Variants in BCAM observed in about 807,000 individuals in gnomAD.
The protein encoded by BCAM is basal cell adhesion molecule (Lutheran blood group), also known as basal cell adhesion molecule.
Under a neutral mutation model 72.4 loss-of-function variants are expected in BCAM, and 61 were observed. The ratio of observed to expected loss-of-function variants is 0.84; its 90% CI spans 0.69 to 1.04. The LOEUF is 1.04. BCAM is among the 50% of genes least tolerant of loss of function. BCAM has a pLI of 0.00. For synonymous variants in BCAM, 408 were observed against 384.2 expected, an observed-to-expected ratio of 1.06 and a Z score of -0.73; for missense variants, 909 against 895.0, an observed-to-expected ratio of 1.02 and a Z score of -0.20.
At position 44,812,621 on chromosome 19, in the gene BCAM, A is replaced by C; in HGVS notation, c.504+73A>C. The C allele has an allele frequency of 1.9e-6, 3 of 1,564,738 alleles. No individual in the cohort carries two copies. The highest frequency in any genetic ancestry group is 2.6e-6 in the Non-Finnish European group (3 of 1,150,130). Reference sequence around the variant, plus strand: ...ACAGGGCCCTGGACTCCTGGGTCTGAGGGAGGAGGGGCTGGGGACCCCTGG... The same window carrying C: ...ACAGGGCCCTGGACTCCTGGGTCTGCGGGAGGAGGGGCTGGGGACCCCTGG... On this transcript the variant is annotated intron_variant, in intron 4 of 14. Transcript: ENST00000270233. The surrounding 1 kb of genome is among the most constrained non-coding windows in gnomAD (Gnocchi z 5.3).
intron 11 of BCAM, 48 bp downstream of exon 11, chr19:44,819,240 T>A: frequency 5.6e-6 from 9 of 1,611,820 alleles, no homozygotes; most frequent in Non-Finnish European, 7.6e-6. Flanking sequence ...CTCATCCAAG[T>A]ATCACACCCT....
chr19:44,813,434 C>G lies in BCAM; in HGVS notation c.602-4C>G, dbSNP rs1968456001. ...TGACTGCCACCTCCCCCGATCTCTCCCAGAGGGCTACATGACCAGCCGCAC... is the reference window on the plus strand; with the variant it reads ...TGACTGCCACCTCCCCCGATCTCTCGCAGAGGGCTACATGACCAGCCGCAC... On this transcript the variant is annotated splice_region_variant and splice_polypyrimidine_tract_variant and intron_variant, in intron 5 of 14. Coordinates refer to ENST00000270233, the MANE Select transcript of BCAM (RefSeq NM_005581.5). This position sits in a 1 kb window ranked among gnomAD's most constrained non-coding sequence, Gnocchi z 4.2. 26 of 1,610,468 alleles carry G rather than the reference C, an allele frequency of 1.6e-5. No homozygotes were observed. Among genetic ancestry groups the G allele is most frequent in the Non-Finnish European group, 2.1e-5 (25 of 1,179,062 alleles).
Position 44,819,160 on chromosome 19 carries a change from C to A in BCAM, c.1441C>A (p.Pro481Thr). ...LICSARGHPDPKLSWSQLGGS... is the reference protein window; with the variant it reads ...LICSARGHPDTKLSWSQLGGS... ...CTGCTCTGCCCGCGGCCATCCAGAC[C>A]CCAAACTCAGCTGGAGCCAATTGGG... Residue 481 changes from proline (P) to threonine (T), a missense_variant, in exon 11 of 15, where the codon CCC (proline) becomes ACC (threonine). Pro to Thr is a conservative substitution (Grantham distance 38). Transcript: ENST00000270233. 1 of 1,614,090 alleles carries A rather than the reference C, an allele frequency of 6.2e-7. No homozygotes were observed.
At chr19:44,811,441 C>T (rs1041017239) in intron 2 of BCAM, 95 bp downstream of exon 2, 2 of 1,567,066 alleles carry the variant, frequency 1.3e-6, no homozygotes, top group Admixed American at 3.4e-5. Context: ...AGAGATCCAC[C>T]AAGCCACACT....
rs1555783075 is a variant in BCAM, at chr19:44,814,917, T to TTG, written c.1078+158_1078+159insGT. On this transcript the variant is annotated intron_variant, in intron 8 of 14. Transcript: ENST00000270233. This position sits in a 1 kb window ranked among gnomAD's most constrained non-coding sequence, Gnocchi z 4.6. ...GGGGGTTTTTTTGGTTGTTTTTTTTTTTTTTTTTTTCCCAGAGACAGGACC... is the reference window on the plus strand; with the variant it reads ...GGGGGTTTTTTTGGTTGTTTTTTTTTTGTTTTTTTTTTCCCAGAGACAGGACC... Among the ~76,000 whole-genome samples the TTG allele has an allele frequency of 2.0e-5, 3 of 149,768 alleles. No homozygotes were observed. Among genetic ancestry groups the TTG allele is most frequent in the African/African-American group, 4.9e-5 (2 of 40,672 alleles).
At chr19:44,817,332 G>A (rs1289500664) in intron 8 of BCAM, among the ~76,000 whole-genome samples, 1 of 152,210 alleles carries the variant, frequency 6.6e-6, no homozygotes, top group Non-Finnish European at 1.5e-5. Flanking sequence ...GCCCCAACTT[G>A]GTCTACTCAA....
Position 44,814,089 on chromosome 19 carries a change from G to T in BCAM, c.785-63G>T. ...ACCTGGGATGCAGGGCTGACCTCTC[G>T]CCTGTCCTCTAGCCTTGACCCTTCC... On this transcript the variant is annotated intron_variant, in intron 6 of 14. Coordinates refer to ENST00000270233, the MANE Select transcript of BCAM (RefSeq NM_005581.5). This position sits in a 1 kb window ranked among gnomAD's most constrained non-coding sequence, Gnocchi z 4.6. 6.6e-7 allele frequency: 1 copy of T among 1,511,934 alleles called. No individual in the cohort carries two copies. Among genetic ancestry groups the T allele is most frequent in the Middle Eastern group, 1.8e-4 (1 of 5,542 alleles). 93.7% of individuals were successfully genotyped at this position (1,511,934 alleles called of 1,614,324 possible). A position where few individuals can be genotyped will look rare whatever the true frequency, so the allele number is the denominator to read the frequency against.
At chr19:44,819,791 C>T in intron 13 of BCAM, 65 bp downstream of exon 13, 5 of 1,494,132 alleles carry the variant, frequency 3.3e-6, no homozygotes, top group East Asian at 2.4e-5. Context: ...CAACCCCAAG[C>T]TCAACCCATA....
chr19:44,817,795 C>T (rs573704273), intron 8 of BCAM, among the ~76,000 whole-genome samples: 1 of 152,284 alleles, frequency 6.6e-6, no homozygotes, highest in African/African-American at 2.4e-5. Flanking sequence ...GCACCCGCCT[C>T]GGCCTCCCAA....
rs367879811 is a variant in BCAM at position 44,819,361 on chromosome 19, C to T, written c.1489C>T (p.Pro497Ser). 4 of 1,613,944 alleles carry T rather than the reference C, an allele frequency of 2.5e-6. No homozygotes were observed. The highest frequency in any genetic ancestry group is 2.7e-5 in the African/African-American group (2 of 74,908). Residue 497 changes from proline to serine, a missense_variant, in exon 12 of 15, where the codon CCC becomes TCC. Coordinates refer to ENST00000270233, the MANE Select transcript of BCAM (RefSeq NM_005581.5). Reference sequence around the variant, plus strand: ...GCCTCCATAGCCCGCAGAGCCAATCCCCGGACGGCAGGGTTGGGTGAGCAG... The same window carrying T: ...GCCTCCATAGCCCGCAGAGCCAATCTCCGGACGGCAGGGTTGGGTGAGCAG... Reference protein sequence around the residue: ...QLGGSPAEPIPGRQGWVSSSL... With the variant: ...QLGGSPAEPISGRQGWVSSSL...
chr19:44,819,080 A>G lies in BCAM; in HGVS notation c.1361A>G (p.Glu454Gly). ...GGCTCGCCAGAGCTAAAGACAGCGG[A>G]AATAGAGCCCAAGGCAGATGGCAGC... ...VQGSPELKTAEIEPKADGSWR... is the reference protein window; with the variant it reads ...VQGSPELKTAGIEPKADGSWR... The change falls in exon 11 of 15, where the codon GAA becomes GGA. Residue 454 changes from glutamate to glycine, a missense_variant. Coordinates refer to ENST00000270233, the MANE Select transcript of BCAM (RefSeq NM_005581.5). 6.2e-7 allele frequency: 1 copy of G among 1,614,024 alleles called. No homozygotes were observed. Among genetic ancestry groups the G allele is most frequent in the Non-Finnish European group, 8.5e-7 (1 of 1,179,974 alleles).
Position 44,812,571 on chromosome 19 carries a change from C to T in BCAM, c.504+23C>T, listed in dbSNP as rs1968440323. The T allele has an allele frequency of 6.2e-7, 1 of 1,613,052 alleles. No homozygotes were observed. The highest frequency in any genetic ancestry group is 1.7e-5 in the Admixed American group (1 of 59,852). ...GAGGTACCTCTCGGGTGGACCTTGG[C>T]CCCAGGGTCCTGGAGGAGGAGGGGA... On this transcript the variant is annotated intron_variant, in intron 4 of 14. Coordinates refer to ENST00000270233, the MANE Select transcript of BCAM (RefSeq NM_005581.5). This position sits in a 1 kb window ranked among gnomAD's most constrained non-coding sequence, Gnocchi z 5.3.
At position 44,819,174 on chromosome 19, in the gene BCAM, G is replaced by A. The variant is rs759169423; in HGVS notation, c.1455G>A (p.Trp485Ter). The change falls in exon 11 of 15, where the codon TGG becomes TGA. Residue 485 changes from tryptophan (W) to a stop codon, truncating the protein, a stop_gained. Transcript: ENST00000270233. LOFTEE classifies it high-confidence loss of function. ...ARGHPDPKLSWSQLGGSPAEP... is the reference protein window; with the variant it reads ...ARGHPDPKLS ...GCCATCCAGACCCCAAACTCAGCTG[G>A]AGCCAATTGGGGGGCAGCGTAAGGG... 7 of 1,614,002 alleles carry A rather than the reference G, an allele frequency of 4.3e-6. No homozygotes were observed. The highest frequency in any genetic ancestry group is 5.9e-6 in the Non-Finnish European group (7 of 1,179,954).
At position 44,813,101 on chromosome 19, in the gene BCAM, G is replaced by T; in HGVS notation, c.505-149G>T. 1.2e-6 allele frequency: 1 copy of T among 817,922 alleles called. No homozygotes were observed. Among genetic ancestry groups the T allele is most frequent in the Non-Finnish European group, 1.9e-6 (1 of 527,596 alleles). 50.7% of individuals were successfully genotyped at this position (817,922 alleles called of 1,614,324 possible). A position where few individuals can be genotyped will look rare whatever the true frequency, so the allele number is the denominator to read the frequency against. ...AGGCCTGGACTCTTTAGTCTGAGTC[G>T]GGGACTAGGAATTTGGACTCCTGGG... On this transcript the variant is annotated intron_variant, in intron 4 of 14. Coordinates refer to ENST00000270233, the MANE Select transcript of BCAM (RefSeq NM_005581.5). This position sits in a 1 kb window ranked among gnomAD's most constrained non-coding sequence, Gnocchi z 4.2.
chr19:44,812,994 G>T lies in BCAM; in HGVS notation c.505-256G>T. 2 of 510,864 alleles carry T rather than the reference G, an allele frequency of 3.9e-6. 1 individual carries two copies. 31.6% of individuals were successfully genotyped at this position (510,864 alleles called of 1,614,324 possible). A position where few individuals can be genotyped will look rare whatever the true frequency, so the allele number is the denominator to read the frequency against. On this transcript the variant is annotated intron_variant, in intron 4 of 14. Coordinates refer to ENST00000270233, the MANE Select transcript of BCAM (RefSeq NM_005581.5). This position sits in a 1 kb window ranked among gnomAD's most constrained non-coding sequence, Gnocchi z 5.3. ...AGAAGAAAAGAAAAAAGAAAGGAAGGGCAGAGGGGGAAGACTCCTGTGTCC... is the reference window on the plus strand; with the variant it reads ...AGAAGAAAAGAAAAAAGAAAGGAAGTGCAGAGGGGGAAGACTCCTGTGTCC...
chr19:44,820,613 C>CA (rs1968571716), intron 13 of BCAM, 92 bp from the exon 14 acceptor site: 1 of 1,328,124 alleles, frequency 7.5e-7, no homozygotes, highest in African/African-American at 1.5e-5. Flanking sequence ...TCCCCAGCCG[C>CA]ATCCTAGTCC....
At chr19:44,820,475 G>C in intron 13 of BCAM, 11 of 1,249,578 alleles carry the variant, frequency 8.8e-6, no homozygotes, top group Non-Finnish European at 1.1e-5. Context: ...GCCAACTCCA[G>C]CTACATTCCC....
intron 8 of BCAM, among the ~76,000 whole-genome samples, chr19:44,816,230 A>C (rs761528774): frequency 1.3e-5 from 2 of 151,756 alleles, no homozygotes; most frequent in African/African-American, 2.4e-5. Context: ...GAATCGCTTG[A>C]ACCCAGGAAG....
rs776409244 is a variant in BCAM, at chr19:44,818,892, G to A, written c.1336+10G>A. 11 of 1,612,276 alleles carry A rather than the reference G, an allele frequency of 6.8e-6. No homozygotes were observed. The highest frequency in any genetic ancestry group is 1.7e-5 in the Admixed American group (1 of 59,860). ...ACGCTGCTGGTCCAAGGTTCAGGGG[G>A]CAGGGAGGGGGTGGGCTTGGATGGG... is the stretch of plus-strand genomic sequence containing the variant. On this transcript the variant is annotated intron_variant, in intron 10 of 14. Transcript: ENST00000270233. This position sits in a 1 kb window ranked among gnomAD's most constrained non-coding sequence, Gnocchi z 4.6.
Sources: gnomAD v4.1 joint callset for allele counts (sites outside exome capture counted in the v4.1 genomes callset) on GRCh38, gnomAD v4.1.1 for gene constraint, Gnocchi (gnomAD v3.1) non-coding constraint, MANE v1.5 for transcripts, NCBI Gene and HGNC (gene_info 2026-07-23, HGNC 2026-07-21) for gene names.